The following CPED1 variants were observed in gnomAD, a reference collection of about 807,000 sequenced individuals.
CPED1 encodes cadherin-like and PC-esterase domain-containing protein 1.
In CPED1, 114 loss-of-function variants were observed where a neutral mutation model predicts 128.2. That is an observed-to-expected ratio of 0.89 (90% CI 0.76 to 1.04). CPED1 has a LOEUF of 1.04. CPED1 is among the 50% of genes least tolerant of loss of function. CPED1 has a pLI of 0.00. For synonymous variants in CPED1, 462 were observed against 426.7 expected (o/e 1.08, Z -1.02); for missense variants, 1,211 against 1,207.1 (o/e 1.00, Z -0.05).
At chr7:121,189,798 A>ATATATATATATATAT (rs869279165) in intron 16 of CPED1, among the ~76,000 whole-genome samples, 23 of 50,434 alleles carry the variant, frequency 4.6e-4, no homozygotes, top group East Asian at 1.7e-3. Flanking sequence ...ATATATATAT[A>ATATATATATATATAT]AAATTTGTAT....
At chr7:121,107,008 AT>A (rs928995811) in intron 7 of CPED1, among the ~76,000 whole-genome samples, 1 of 152,070 alleles carries the variant, frequency 6.6e-6, no homozygotes, top group Non-Finnish European at 1.5e-5. Context: ...CACCATCTTA[AT>A]TTTTTAGTTT....
intron 16 of CPED1, among the ~76,000 whole-genome samples, chr7:121,157,154 T>A (rs1796303409): frequency 6.6e-6 from 1 of 152,188 alleles, no homozygotes. Context: ...CTCCTGCTGT[T>A]CAAGGGTCAA....
At chr7:121,193,970 G>A (rs867837244) in intron 16 of CPED1, among the ~76,000 whole-genome samples, 5 of 139,446 alleles carry the variant, frequency 3.6e-5, no homozygotes, top group South Asian at 4.6e-4. Context: ...GTACAGTCAT[G>A]GCCTCTATTA....
intron 20 of CPED1, 136 bp from the exon 21 acceptor site, chr7:121,267,079 T>C (rs1792141381): frequency 1.6e-6 from 1 of 628,854 alleles, no homozygotes. Flanking sequence ...ACATCAAATA[T>C]ATAAAACGAG....
chr7:121,008,119 C>G (rs1792071922), intron 2 of CPED1, among the ~76,000 whole-genome samples: 1 of 152,036 alleles, frequency 6.6e-6, no homozygotes, highest in Admixed American at 6.6e-5. Context: ...ACTCATCCAT[C>G]CAGAAAACAA....
rs558658753 is a variant in CPED1, at chr7:121,212,541, C to T, written c.2056-24173C>T. Among the ~76,000 whole-genome samples the T allele has an allele frequency of 1.3e-3, 197 of 152,166 alleles. 2 individuals carry two copies. Among genetic ancestry groups the T allele is most frequent in the African/African-American group, 4.5e-3 (185 of 41,546 alleles). ...AGTTGACCATGTTCTTTTGTGCCAACACTGTGTCCAGAGCAATCTTCATTA... is the reference window on the plus strand; with the variant it reads ...AGTTGACCATGTTCTTTTGTGCCAATACTGTGTCCAGAGCAATCTTCATTA... On this transcript the variant is annotated intron_variant, in intron 16 of 22. Coordinates refer to ENST00000310396, the MANE Select transcript of CPED1 (RefSeq NM_024913.5).
chr7:121,124,382 T>G lies in CPED1; in HGVS notation c.970T>G (p.Phe324Val). 1 of 1,609,634 alleles carries G rather than the reference T, an allele frequency of 6.2e-7. No homozygotes were observed. Among genetic ancestry groups the G allele is most frequent in the Non-Finnish European group, 8.5e-7 (1 of 1,177,302 alleles). ...FLRASSPQQA[F>V]DIMKEAIGKL... ...GAGAGCCAGTTCACCTCAACAGGCTTTTGACATTATGAAGGAAGCAATTGG... is the reference window on the plus strand; with the variant it reads ...GAGAGCCAGTTCACCTCAACAGGCTGTTGACATTATGAAGGAAGCAATTGG... Residue 324 changes from phenylalanine (F) to valine (V), a missense_variant, in exon 8 of 23, where the codon TTT becomes GTT. Coordinates refer to ENST00000310396, the MANE Select transcript of CPED1 (RefSeq NM_024913.5).
chr7:121,049,884 G>A (rs896435548), intron 4 of CPED1, among the ~76,000 whole-genome samples: 2 of 152,222 alleles, frequency 1.3e-5, no homozygotes, highest in Admixed American at 6.5e-5. Flanking sequence ...CTGGGGGGAT[G>A]TTTGGTACTG....
chr7:121,098,980 A>C (rs1794773417), intron 6 of CPED1, among the ~76,000 whole-genome samples: 1 of 151,120 alleles, frequency 6.6e-6, no homozygotes, highest in African/African-American at 2.4e-5. Flanking sequence ...CAAAATATTA[A>C]ACTGGTGTTA....
At chr7:121,131,084 A>G (rs1795654024) in intron 12 of CPED1, among the ~76,000 whole-genome samples, 1 of 152,148 alleles carries the variant, frequency 6.6e-6, no homozygotes, top group Admixed American at 6.6e-5. Context: ...TGGCCCTGCC[A>G]TAATCATTTA....
chr7:121,269,917 A>G (rs1452232707), intron 21 of CPED1, among the ~76,000 whole-genome samples: 4 of 152,114 alleles, frequency 2.6e-5, no homozygotes, highest in Non-Finnish European at 5.9e-5. Flanking sequence ...TGCTCTGGTG[A>G]GGCTTCAGGA....
intron 17 of CPED1, among the ~76,000 whole-genome samples, chr7:121,241,983 T>C (rs1237896501): frequency 1.3e-5 from 2 of 152,154 alleles, no homozygotes; most frequent in African/African-American, 4.8e-5. Flanking sequence ...TCCCCATTGA[T>C]TCTGATTCAA....
chr7:121,094,841 A>G (rs1293931976), intron 5 of CPED1, among the ~76,000 whole-genome samples: 1 of 152,126 alleles, frequency 6.6e-6, no homozygotes, highest in African/African-American at 2.4e-5. Flanking sequence ...ATGCATCCCT[A>G]ACAAATTGTT....
At chr7:121,150,965 G>A (rs1488798211) in intron 16 of CPED1, among the ~76,000 whole-genome samples, 2 of 151,892 alleles carry the variant, frequency 1.3e-5, no homozygotes, top group Admixed American at 6.6e-5. Flanking sequence ...GCTGGGATTC[G>A]CCATTTTGGC....
At chr7:121,033,291 T>C (rs1283260780) in intron 3 of CPED1, among the ~76,000 whole-genome samples, 1 of 152,236 alleles carries the variant, frequency 6.6e-6, no homozygotes, top group Non-Finnish European at 1.5e-5. Flanking sequence ...TATCATTTCC[T>C]GTGTTTTCTT....
chr7:121,003,041 T>C (rs565063416), intron 2 of CPED1, among the ~76,000 whole-genome samples: 1 of 152,306 alleles, frequency 6.6e-6, no homozygotes, highest in East Asian at 1.9e-4. Context: ...ACATAATATG[T>C]CGAATGAATG....
chr7:121,011,959 T>G (rs559684319), intron 2 of CPED1, among the ~76,000 whole-genome samples: 10 of 152,300 alleles, frequency 6.6e-5, no homozygotes, highest in African/African-American at 2.4e-4. Flanking sequence ...GACACCACGT[T>G]GGACCCTTTC....
At chr7:121,253,123 G>T (rs1010012665) in intron 18 of CPED1, among the ~76,000 whole-genome samples, 3 of 151,826 alleles carry the variant, frequency 2.0e-5, no homozygotes, top group South Asian at 4.2e-4. Context: ...CATGGAATAT[G>T]ATGCAGCCAT....
chr7:121,126,924 T>TA (rs1016299922), intron 9 of CPED1, among the ~76,000 whole-genome samples, 166 bp from the exon 10 acceptor site: 1 of 151,998 alleles, frequency 6.6e-6, no homozygotes. Context: ...ATTGTATCTT[T>TA]AAAAAAAATT....
Sources: gnomAD v4.1 joint callset for allele counts (sites outside exome capture counted in the v4.1 genomes callset) on GRCh38, gnomAD v4.1.1 for gene constraint, MANE v1.5 for transcripts, NCBI Gene and HGNC (gene_info 2026-07-23, HGNC 2026-07-21) for gene names.